Variants in CSMD1 observed in about 807,000 individuals in gnomAD.
The protein encoded by CSMD1 is CUB and sushi domain-containing protein 1.
In CSMD1, 213 loss-of-function variants were observed where a neutral mutation model predicts 417.5. The ratio of observed to expected loss-of-function variants is 0.51; its 90% CI spans 0.46 to 0.57. The LOEUF is 0.57. Ranked by LOEUF, CSMD1 falls within the 20% of genes least tolerant of loss-of-function variation. The pLI is 0.00. For synonymous variants in CSMD1, 2,862 were observed against 1,736.8 expected (o/e 1.65, Z -16.11); for missense variants, 6,923 against 4,529.7 (o/e 1.53, Z -15.17).
chr8:3,993,556 G>T (rs1246756705), intron 5 of CSMD1, among the ~76,000 whole-genome samples: 1 of 152,084 alleles, frequency 6.6e-6, no homozygotes, highest in African/African-American at 2.4e-5. Context: ...GGTTTAACAG[G>T]AACAAAATAA....
In CSMD1 at chr8:4,774,162, T is replaced by G. The variant is rs543875068; in HGVS notation, c.86-136604A>C. On this transcript the variant is annotated intron_variant, in intron 1 of 69. Transcript: ENST00000635120. ...TGGCAGTGAGCCAATATCGTGCCAC[T>G]GCCTACCAGCCTGGGTGACAGAGCG... Among the ~76,000 whole-genome samples the G allele has an allele frequency of 7.2e-5, 11 of 152,324 alleles. No individual in the cohort carries two copies. In the South Asian group the frequency reaches 2.3e-3, roughly 32 times the overall value.
At chr8:3,889,499 T>C (rs866204077) in intron 5 of CSMD1, among the ~76,000 whole-genome samples, 2 of 104,768 alleles carry the variant, frequency 1.9e-5, no homozygotes, top group Non-Finnish European at 4.0e-5. Flanking sequence ...ATATAAAATA[T>C]GCTCATTAGG....
intron 3 of CSMD1, among the ~76,000 whole-genome samples, chr8:4,253,568 G>T (rs1377597857): frequency 6.6e-6 from 1 of 152,026 alleles, no homozygotes; most frequent in Non-Finnish European, 1.5e-5. Context: ...CATTTGATCT[G>T]GTATACTTCA....
intron 3 of CSMD1, among the ~76,000 whole-genome samples, chr8:4,169,286 A>G (rs576966382): frequency 2.0e-3 from 304 of 152,272 alleles, no homozygotes; most frequent in Non-Finnish European, 3.4e-3. Context: ...CCTGAGCTCA[A>G]AAGGCAACTC....
rs79509875 is a variant in CSMD1, at chr8:3,951,471, G to A, written c.818+46432C>T. On this transcript the variant is annotated intron_variant, in intron 5 of 69. Coordinates refer to ENST00000635120, the MANE Select transcript of CSMD1 (RefSeq NM_033225.6). ...GAGTGCTGTATTTTCCTCCGCTTGT[G>A]GGATTCCAACTGCTTGAATAACAAC... Among the ~76,000 whole-genome samples, 1,085 of 152,226 alleles carry A rather than the reference G, an allele frequency of 7.1e-3. 14 individuals carry two copies. Among genetic ancestry groups the A allele is most frequent in the African/African-American group, 0.025 (1,051 of 41,532 alleles).
intron 6 of CSMD1, among the ~76,000 whole-genome samples, chr8:3,734,204 C>G (rs1328240909): frequency 1.3e-5 from 2 of 152,162 alleles, no homozygotes; most frequent in Non-Finnish European, 2.9e-5. Context: ...GAATTGGAAG[C>G]CTGCATTTCA....
intron 2 of CSMD1, among the ~76,000 whole-genome samples, chr8:4,503,372 C>A (rs1243836336): frequency 2.0e-5 from 3 of 152,134 alleles, no homozygotes; most frequent in African/African-American, 4.8e-5. Flanking sequence ...TCATACTCAA[C>A]TTTTGCTCAA....
At chr8:3,346,196 G>A (rs894094434) in intron 22 of CSMD1, among the ~76,000 whole-genome samples, 32 of 152,052 alleles carry the variant, frequency 2.1e-4, no homozygotes, top group Non-Finnish European at 8.8e-5. Context: ...TTAAATGTGA[G>A]AAGCACGTTT....
intron 22 of CSMD1, among the ~76,000 whole-genome samples, chr8:3,345,838 A>G (rs2117625839): frequency 1.3e-5 from 2 of 152,320 alleles, no homozygotes; most frequent in South Asian, 4.1e-4. Flanking sequence ...TCCCAGTTTT[A>G]CAGAAACTAT....
chr8:3,083,668 T>TA (rs1814312372), intron 49 of CSMD1, among the ~76,000 whole-genome samples: 2 of 92,530 alleles, frequency 2.2e-5, no homozygotes, highest in Admixed American at 2.3e-4. Flanking sequence ...TTTTTTTTTT[T>TA]TTTTTTTTTT....
chr8:3,708,981 G>A (rs1563295697), intron 6 of CSMD1, among the ~76,000 whole-genome samples: 1 of 152,090 alleles, frequency 6.6e-6, no homozygotes, highest in Non-Finnish European at 1.5e-5. Context: ...GCAAGTAGAG[G>A]AAAGGCATGC....
chr8:4,056,452 G>T (rs188851428), intron 3 of CSMD1, among the ~76,000 whole-genome samples: 3 of 146,264 alleles, frequency 2.1e-5, no homozygotes, highest in African/African-American at 7.6e-5. Context: ...ATTTATTTAT[G>T]ATATTAAAAT....
At chr8:4,525,859 A>T (rs957477354) in intron 2 of CSMD1, among the ~76,000 whole-genome samples, 2 of 152,126 alleles carry the variant, frequency 1.3e-5, no homozygotes, top group Non-Finnish European at 1.5e-5. Flanking sequence ...CCACAGTTCC[A>T]TCGTGATTCT....
intron 2 of CSMD1, among the ~76,000 whole-genome samples, chr8:4,441,563 A>G (rs555799881): frequency 1.3e-5 from 2 of 152,272 alleles, no homozygotes; most frequent in South Asian, 2.1e-4. Context: ...ATGAAAGCCT[A>G]TCTCATCTAT....
intron 32 of CSMD1, 37 bp downstream of exon 32, chr8:3,201,575 C>G (rs1796994933): frequency 1.6e-6 from 2 of 1,213,496 alleles, no homozygotes; most frequent in East Asian, 2.5e-5. Context: ...CCCTAGCTGT[C>G]TGAACTAAAT....
At chr8:3,514,289 G>C (rs982633789) in intron 10 of CSMD1, among the ~76,000 whole-genome samples, 1 of 152,150 alleles carries the variant, frequency 6.6e-6, no homozygotes, top group African/African-American at 2.4e-5. Context: ...ACATAGAGAC[G>C]TCCTCAGTGC....
rs554652623 is a variant in CSMD1, at chr8:4,332,192, G to C, written c.415+87761C>G. Among the ~76,000 whole-genome samples, 64 of 152,152 alleles carry C rather than the reference G, an allele frequency of 4.2e-4. 1 individual carries two copies. In the South Asian group the frequency reaches 8.9e-3, roughly 21 times the overall value. ...ACACAACTGTGGACAGAAATAATGA[G>C]GTTTGTGAGCAAACAGGTGCGGATC... On this transcript the variant is annotated intron_variant, in intron 3 of 69. Coordinates refer to ENST00000635120, the MANE Select transcript of CSMD1 (RefSeq NM_033225.6).
intron 1 of CSMD1, among the ~76,000 whole-genome samples, chr8:4,832,576 G>T (rs990187541): frequency 1.3e-5 from 2 of 152,176 alleles, no homozygotes; most frequent in Admixed American, 6.5e-5. Flanking sequence ...TTGGTTGTCT[G>T]CTTGTGGTTA....
chr8:4,504,682 T>A (rs1470305227), intron 2 of CSMD1, among the ~76,000 whole-genome samples: 6 of 152,118 alleles, frequency 3.9e-5, no homozygotes, highest in African/African-American at 1.4e-4. Context: ...CCTCCCTGTA[T>A]CCATGTGTTC....
Sources: allele counts gnomAD v4.1 joint callset (sites outside exome capture counted in the v4.1 genomes callset), GRCh38; gene constraint gnomAD v4.1.1; transcripts MANE v1.5; gene names NCBI Gene and HGNC (gene_info 2026-07-23, HGNC 2026-07-21).